Variants in CFAP95 observed in about 807,000 individuals in gnomAD.
CFAP95 encodes cilia- and flagella-associated protein 95.
At chr9:69,898,057 T>C in the CFAP95 span, among the ~76,000 whole-genome samples, 3 of 152,206 alleles carry the variant, frequency 2.0e-5, no homozygotes, top group East Asian at 3.9e-4. Context: ...TTCCTTTCTC[T>C]GGTGCTCTTT....
chr9:69,844,558 A>AG, the CFAP95 span: 1 of 1,612,550 alleles, frequency 6.2e-7, no homozygotes, highest in Non-Finnish European at 8.5e-7. Context: ...TATGATATAG[A>AG]GGGTCCTGAG....
the CFAP95 span, among the ~76,000 whole-genome samples, chr9:69,894,435 G>A: frequency 1.3e-5 from 2 of 152,118 alleles, no homozygotes; most frequent in Non-Finnish European, 2.9e-5. Flanking sequence ...AGGAAGCAAG[G>A]AAACAAGGAA....
the CFAP95 span, chr9:69,820,981 C>T: frequency 6.2e-7 from 1 of 1,613,872 alleles, no homozygotes; most frequent in East Asian, 2.2e-5. Context: ...GCTCCCTGAC[C>T]CTCCGCTCCC....
the CFAP95 span, among the ~76,000 whole-genome samples, chr9:69,827,323 A>G: frequency 6.6e-6 from 1 of 152,234 alleles, no homozygotes; most frequent in Non-Finnish European, 1.5e-5. Flanking sequence ...CGGGTAGCAG[A>G]ATTAGAAATA....
the CFAP95 span, among the ~76,000 whole-genome samples, chr9:69,854,783 C>A: frequency 6.6e-6 from 1 of 152,216 alleles, no homozygotes; most frequent in Non-Finnish European, 1.5e-5. Context: ...GTGATTTCCT[C>A]CCTGTAGGAC....
the CFAP95 span, among the ~76,000 whole-genome samples, chr9:69,835,010 A>T: frequency 1.3e-5 from 2 of 152,198 alleles, no homozygotes; most frequent in Non-Finnish European, 2.9e-5. Context: ...GAGTATTGTC[A>T]ATGTCTCATA....
the CFAP95 span, among the ~76,000 whole-genome samples, chr9:69,858,980 G>A: frequency 2.0e-5 from 3 of 152,308 alleles, no homozygotes; most frequent in African/African-American, 7.2e-5. Context: ...TCTAAGGATT[G>A]CATTGTGCAT....
chr9:69,872,837 C>T, the CFAP95 span, among the ~76,000 whole-genome samples: 3 of 152,144 alleles, frequency 2.0e-5, no homozygotes, highest in Middle Eastern at 3.4e-3. Flanking sequence ...ATATACAAAG[C>T]GACCCCCCAA....
At chr9:69,828,559 T>A in the CFAP95 span, among the ~76,000 whole-genome samples, 1 of 152,150 alleles carries the variant, frequency 6.6e-6, no homozygotes, top group Non-Finnish European at 1.5e-5. Context: ...GGCACACCCC[T>A]GTGGTCTAAG....
chr9:69,878,704 T>G, the CFAP95 span, among the ~76,000 whole-genome samples: 2 of 152,212 alleles, frequency 1.3e-5, no homozygotes, highest in Admixed American at 1.3e-4. Context: ...TTTATTTCTG[T>G]GATTCTGGTC....
At chr9:69,853,101 G>T in the CFAP95 span, among the ~76,000 whole-genome samples, 15 of 152,166 alleles carry the variant, frequency 9.9e-5, no homozygotes, top group African/African-American at 3.6e-4. Context: ...CTTTCTGGGT[G>T]CCTGTAAAGA....
At chr9:69,866,859 C>A in the CFAP95 span, among the ~76,000 whole-genome samples, 1 of 152,192 alleles carries the variant, frequency 6.6e-6, no homozygotes. Context: ...ATGCCTAGGT[C>A]CCGGCTTGAC....
chr9:69,834,503 A>C, the CFAP95 span, among the ~76,000 whole-genome samples: 2 of 152,190 alleles, frequency 1.3e-5, no homozygotes, highest in Admixed American at 1.3e-4. Context: ...GCTGTTTTCA[A>C]AGTCATGTGT....
At chr9:69,877,355 AC>A in the CFAP95 span, among the ~76,000 whole-genome samples, 33 of 152,300 alleles carry the variant, frequency 2.2e-4, no homozygotes, top group South Asian at 6.6e-3. Flanking sequence ...GTCAAGTTCT[AC>A]AAAACACCTT....
At chr9:69,848,838 TG>T in the CFAP95 span, among the ~76,000 whole-genome samples, 1 of 152,174 alleles carries the variant, frequency 6.6e-6, no homozygotes, top group Non-Finnish European at 1.5e-5. Context: ...AAAATCCTCT[TG>T]GGACAAAAGT....
the CFAP95 span, among the ~76,000 whole-genome samples, chr9:69,864,509 A>G: frequency 6.6e-6 from 1 of 152,182 alleles, no homozygotes; most frequent in African/African-American, 2.4e-5. Flanking sequence ...ATTGAACCAA[A>G]TGATCTGTAA....
the CFAP95 span, chr9:69,857,823 C>T: frequency 8.3e-6 from 10 of 1,200,764 alleles, no homozygotes; most frequent in Non-Finnish European, 1.2e-5. Flanking sequence ...CCACTGCGCC[C>T]AGCCCCTAAA....
chr9:69,849,517 CAT>C, the CFAP95 span, among the ~76,000 whole-genome samples: 1 of 152,118 alleles, frequency 6.6e-6, no homozygotes, highest in Non-Finnish European at 1.5e-5. Flanking sequence ...ATAAGGAACT[CAT>C]AGGTTCCTAG....
the CFAP95 span, among the ~76,000 whole-genome samples, chr9:69,891,539 T>C: frequency 1.3e-5 from 2 of 151,834 alleles, no homozygotes; most frequent in Admixed American, 6.6e-5. Context: ...TAAAGAAATA[T>C]CTAAACTACC....
Sources: allele counts gnomAD v4.1 joint callset (sites outside exome capture counted in the v4.1 genomes callset), GRCh38; gene constraint gnomAD v4.1.1; transcripts MANE v1.5; gene names NCBI Gene and HGNC (gene_info 2026-07-23, HGNC 2026-07-21).